The following SDK2 variants were observed in gnomAD, a reference collection of about 807,000 sequenced individuals.
The protein encoded by SDK2 is sidekick cell adhesion molecule 2, also known as protein sidekick-2.
In SDK2, 105 loss-of-function variants were observed where a neutral mutation model predicts 253.9. The observed-to-expected ratio is 0.41, with a 90% CI of 0.35 to 0.49. The LOEUF (loss-of-function observed/expected upper bound fraction) is 0.49. SDK2 is among the 20% of genes least tolerant of loss of function. The pLI is 0.06. For synonymous variants in SDK2, 1,249 were observed against 1,234.9 expected, an observed-to-expected ratio of 1.01 and a Z score of -0.24; for missense variants, 2,608 against 3,003.0, an observed-to-expected ratio of 0.87 and a Z score of 3.07.
At chr17:73,636,551 C>T (rs2046331792) in intron 1 of SDK2, among the ~76,000 whole-genome samples, 2 of 151,710 alleles carry the variant, frequency 1.3e-5, no homozygotes, top group Non-Finnish European at 1.5e-5. Flanking sequence ...CGTGGCAGCA[C>T]GTGCCTGTAA....
Position 73,513,524 on chromosome 17 carries a change from C to T in SDK2, c.65-5927G>A, listed in dbSNP as rs1173962811. 2.6e-5 allele frequency: 4 copies of T among 152,198 alleles called. No homozygotes were observed. The East Asian group carries it at 5.8e-4, about 22-fold the overall frequency. The allele number at this position is 152,198 out of a possible 1,614,324, so 9.4% of individuals were successfully genotyped here. On this transcript the variant is annotated intron_variant, in intron 1 of 44. Coordinates refer to ENST00000392650, the MANE Select transcript of SDK2 (RefSeq NM_001144952.2). ...TTGCGGGACTGTAGCTTGGTACGCCCTCTACGAGAGCAATTTGGCAATGCT... is the reference window on the plus strand; with the variant it reads ...TTGCGGGACTGTAGCTTGGTACGCCTTCTACGAGAGCAATTTGGCAATGCT...
At chr17:73,630,100 A>G (rs1471914493) in intron 1 of SDK2, among the ~76,000 whole-genome samples, 2 of 152,120 alleles carry the variant, frequency 1.3e-5, no homozygotes, top group African/African-American at 4.8e-5. Flanking sequence ...CATGGGCAGA[A>G]GTAGCTCAGC....
At position 73,401,964 on chromosome 17, in the gene SDK2, C is replaced by G; in HGVS notation, c.2662G>C (p.Val888Leu). 1.2e-6 allele frequency: 2 copies of G among 1,610,918 alleles called. No homozygotes were observed. Among genetic ancestry groups the G allele is most frequent in the African/African-American group, 2.7e-5 (2 of 75,004 alleles). The change falls in exon 19 of 45, where the codon GTG becomes CTG. Residue 888 changes from valine (V) to leucine (L), a missense_variant. Coordinates refer to ENST00000392650, the MANE Select transcript of SDK2 (RefSeq NM_001144952.2). ...TGCCTACCATCCTCATGGGTGCGCA[C>G]CAGCTGCGGGGTGCTGCGTGGCCCG... ...GDGPRSTPQL[V>L]RTHEDVPGPV...
chr17:73,400,155 A>G (rs532894521), intron 21 of SDK2, among the ~76,000 whole-genome samples: 18 of 152,300 alleles, frequency 1.2e-4, no homozygotes, highest in African/African-American at 4.1e-4. Flanking sequence ...ATGGGACCAC[A>G]TGGTTATCTG....
chr17:73,429,532 T>TAC (rs1033716969), intron 12 of SDK2, among the ~76,000 whole-genome samples: 3 of 152,288 alleles, frequency 2.0e-5, no homozygotes, highest in Admixed American at 1.3e-4. Flanking sequence ...GGGGTGGCTG[T>TAC]ACAGACTGTC....
At chr17:73,630,855 G>A (rs1274294990) in intron 1 of SDK2, among the ~76,000 whole-genome samples, 2 of 151,940 alleles carry the variant, frequency 1.3e-5, no homozygotes, top group African/African-American at 4.8e-5. Context: ...CCCAGGCTGA[G>A]GCTGGCAACC....
At chr17:73,509,560 T>G (rs1599634340) in intron 1 of SDK2, among the ~76,000 whole-genome samples, 1 of 136,836 alleles carries the variant, frequency 7.3e-6, no homozygotes, top group African/African-American at 2.8e-5. Context: ...GAGGCCGAGG[T>G]GGGAGGATCG....
Position 73,511,619 on chromosome 17 carries a change from G to A in SDK2, c.65-4022C>T, listed in dbSNP as rs1020521477. Reference sequence around the variant, plus strand: ...CTGGGCTGGGGGCTCCACATCCCTCGCCTCCTGTGGTCCTCACAAGGTTCC... The same window carrying A: ...CTGGGCTGGGGGCTCCACATCCCTCACCTCCTGTGGTCCTCACAAGGTTCC... On this transcript the variant is annotated intron_variant, in intron 1 of 44. Transcript: ENST00000392650. This position sits in a 1 kb window ranked among gnomAD's most constrained non-coding sequence, Gnocchi z 4.9. Among the ~76,000 whole-genome samples, 3 of 152,070 alleles carry A rather than the reference G, an allele frequency of 2.0e-5. No individual in the cohort carries two copies. The highest frequency in any genetic ancestry group is 7.2e-5 in the African/African-American group (3 of 41,406).
chr17:73,593,541 A>G (rs1030902578), intron 1 of SDK2, among the ~76,000 whole-genome samples: 15 of 152,294 alleles, frequency 9.8e-5, no homozygotes, highest in Admixed American at 4.6e-4. Context: ...CAATAGACCC[A>G]GAGGCAGAAC....
At chr17:73,588,435 C>T (rs2045636883) in intron 1 of SDK2, among the ~76,000 whole-genome samples, 3 of 150,908 alleles carry the variant, frequency 2.0e-5, no homozygotes, top group Admixed American at 2.0e-4. Flanking sequence ...AATTCTGGGC[C>T]TTGTCTCAGG....
chr17:73,342,467 ATC>A (rs903030983), intron 44 of SDK2, among the ~76,000 whole-genome samples: 3 of 152,184 alleles, frequency 2.0e-5, no homozygotes, highest in Non-Finnish European at 4.4e-5. Flanking sequence ...AGCAGCGGGG[ATC>A]TGTGAGGCAG....
rs1184304862 is a variant in SDK2 at position 73,566,652 on chromosome 17, G to C, written c.65-59055C>G. 2.6e-5 allele frequency among the ~76,000 whole-genome samples: 4 copies of C among 152,216 alleles called. No homozygotes were observed. In the East Asian group the frequency reaches 7.7e-4, roughly 29 times the overall value. ...GGAAAACAAACACTTATTAAAAACT[G>C]GAGTGAAGATCACCCTGGTTATGCC... is the stretch of plus-strand genomic sequence containing the variant. On this transcript the variant is annotated intron_variant, in intron 1 of 44. Coordinates refer to ENST00000392650, the MANE Select transcript of SDK2 (RefSeq NM_001144952.2).
intron 43 of SDK2, 124 bp downstream of exon 43, chr17:73,350,113 G>C: frequency 1.6e-6 from 1 of 619,774 alleles, no homozygotes. Flanking sequence ...CCTGGGGCTT[G>C]AATGGTGTTT....
chr17:73,393,680 T>C lies in SDK2; in HGVS notation c.3778A>G (p.Ser1260Gly), dbSNP rs144933006. 203 of 1,597,268 alleles carry C rather than the reference T, an allele frequency of 1.3e-4. No homozygotes were observed. The highest frequency in any genetic ancestry group is 1.7e-4 in the Non-Finnish European group (194 of 1,167,334). Residue 1260 changes from serine to glycine, a missense_variant, in exon 27 of 45, where the codon AGT becomes GGT. Physicochemically the swap from Ser to Gly is moderately conservative, Grantham distance 56. Around this residue, in one of 2 missense-constraint regions of SDK2, gnomAD observed 1,505 missense variants for 1,859.1 expected, o/e 0.81. Transcript: ENST00000392650. ...TTGCCCAAGCCGGTGAGCTGGGCACTGCGAGACGAGTTGCCTTCCACCAGC... is the reference window on the plus strand; with the variant it reads ...TTGCCCAAGCCGGTGAGCTGGGCACCGCGAGACGAGTTGCCTTCCACCAGC... ...FWLVEGNSSR[S>G]AQLTGLGKYV...
chr17:73,348,459 G>A lies in SDK2; in HGVS notation c.6165+140C>T, dbSNP rs142158865. ...GGGAGGGGACAGATGGCCCATATAT[G>A]ACTTCAGGGTGGTTTCTTGGGCCCC... On this transcript the variant is annotated intron_variant, in intron 44 of 44. Coordinates refer to ENST00000392650, the MANE Select transcript of SDK2 (RefSeq NM_001144952.2). The A allele has an allele frequency of 7.7e-4, 793 of 1,023,602 alleles. 11 individuals carry two copies. The East Asian group carries it at 0.019, about 25-fold the overall frequency. 63.4% of individuals were successfully genotyped at this position (1,023,602 alleles called of 1,614,324 possible).
In SDK2 at chr17:73,643,398, C is replaced by A. The variant is rs1316980929; in HGVS notation, c.64+627G>T. On this transcript the variant is annotated intron_variant, in intron 1 of 44. Coordinates refer to ENST00000392650, the MANE Select transcript of SDK2 (RefSeq NM_001144952.2). This position sits in a 1 kb window ranked among gnomAD's most constrained non-coding sequence, Gnocchi z 6.9. ...TCAGACCCTCCCTGTGCACCACCCCCCGGTGGGTCCGCGGCTGCACCCGCG... is the reference window on the plus strand; with the variant it reads ...TCAGACCCTCCCTGTGCACCACCCCACGGTGGGTCCGCGGCTGCACCCGCG... Among the ~76,000 whole-genome samples, 1 of 152,136 alleles carries A rather than the reference C, an allele frequency of 6.6e-6. No homozygotes were observed. Among genetic ancestry groups the A allele is most frequent in the African/African-American group, 2.4e-5 (1 of 41,438 alleles).
chr17:73,411,670 C>T (rs1052546688), intron 18 of SDK2, among the ~76,000 whole-genome samples: 4 of 152,164 alleles, frequency 2.6e-5, no homozygotes, highest in South Asian at 2.1e-4. Flanking sequence ...TGGAATGACA[C>T]GAGAGAACCG....
At chr17:73,539,822 G>T (rs1307449835) in intron 1 of SDK2, among the ~76,000 whole-genome samples, 1 of 152,232 alleles carries the variant, frequency 6.6e-6, no homozygotes, top group Non-Finnish European at 1.5e-5. Context: ...CACACGGGGG[G>T]AATGCCATGT....
intron 1 of SDK2, among the ~76,000 whole-genome samples, chr17:73,575,987 G>T (rs1450229201): frequency 6.6e-6 from 1 of 152,178 alleles, no homozygotes; most frequent in Non-Finnish European, 1.5e-5. Context: ...TGGGGGCCGT[G>T]GGGGATGACT....
Sources: allele counts gnomAD v4.1 joint callset (sites outside exome capture counted in the v4.1 genomes callset), GRCh38; gene constraint gnomAD v4.1.1; regional missense constraint gnomAD v4.1.1; non-coding constraint Gnocchi (gnomAD v3.1); transcripts MANE v1.5; gene names NCBI Gene and HGNC (gene_info 2026-07-23, HGNC 2026-07-21).